Variants in CDC42SE2 observed in about 807,000 individuals in gnomAD.
The protein encoded by CDC42SE2 is CDC42 small effector 2.
A neutral mutation model predicts 11.5 loss-of-function variants in CDC42SE2; 3 were observed. The ratio of observed to expected loss-of-function variants is 0.26; its 90% CI spans 0.12 to 0.67. The LOEUF is 0.67. CDC42SE2 is among the 30% of genes least tolerant of loss of function. CDC42SE2 has a pLI of 0.80. For synonymous variants in CDC42SE2, 33 were observed against 34.8 expected (o/e 0.95, Z 0.18); for missense variants, 82 against 106.8 (o/e 0.77, Z 1.02).
chr5:131,291,778 C>T (rs954944930), intron 1 of CDC42SE2, among the ~76,000 whole-genome samples: 2 of 152,148 alleles, frequency 1.3e-5, no homozygotes, highest in African/African-American at 4.8e-5. Context: ...ATATAACAAA[C>T]ACCACCCGGG....
chr5:131,284,633 G>A (rs1757304302), intron 1 of CDC42SE2, among the ~76,000 whole-genome samples: 1 of 151,932 alleles, frequency 6.6e-6, no homozygotes, highest in Admixed American at 6.6e-5. Flanking sequence ...ATCATGCCCA[G>A]CTAATTTAAA....
chr5:131,383,979 T>A (rs1370579426), intron 3 of CDC42SE2, among the ~76,000 whole-genome samples: 1 of 152,178 alleles, frequency 6.6e-6, no homozygotes, highest in Non-Finnish European at 1.5e-5. Context: ...AATGTCCACA[T>A]AGGCAGGAAC....
upstream of CDC42SE2, among the ~76,000 whole-genome samples, chr5:131,240,942 T>G (rs1756535401): frequency 6.7e-6 from 1 of 150,306 alleles, no homozygotes; most frequent in Non-Finnish European, 1.5e-5. Flanking sequence ...TTCAGATGGT[T>G]TTATGGGTTT....
chr5:131,268,012 G>A (rs914261231), intron 1 of CDC42SE2, among the ~76,000 whole-genome samples: 2 of 147,268 alleles, frequency 1.4e-5, no homozygotes, highest in Non-Finnish European at 3.0e-5. Flanking sequence ...TTCCTGTGTC[G>A]TCTTGAGAGG....
At chr5:131,325,831 C>T (rs1005781639) in intron 2 of CDC42SE2, among the ~76,000 whole-genome samples, 2 of 152,182 alleles carry the variant, frequency 1.3e-5, no homozygotes, top group Non-Finnish European at 2.9e-5. Context: ...AATCAGATTT[C>T]CCTTTCACTA....
intron 2 of CDC42SE2, among the ~76,000 whole-genome samples, chr5:131,349,558 A>G (rs1407749484): frequency 1.3e-5 from 2 of 152,200 alleles, no homozygotes; most frequent in East Asian, 3.8e-4. Flanking sequence ...ACAGTTATAT[A>G]TTGGTTTTCG....
intron 3 of CDC42SE2, among the ~76,000 whole-genome samples, chr5:131,365,221 C>T (rs1307294002): frequency 2.0e-5 from 3 of 151,542 alleles, no homozygotes; most frequent in South Asian, 2.1e-4. Flanking sequence ...GACTGGGAGG[C>T]GAGGGTTGCA....
chr5:131,325,457 A>G (rs1758275915), intron 2 of CDC42SE2, among the ~76,000 whole-genome samples: 1 of 148,150 alleles, frequency 6.7e-6, no homozygotes. Context: ...TCCTTTTCCC[A>G]TTTATCTATT....
At chr5:131,389,123 A>G (rs978042286) in intron 4 of CDC42SE2, among the ~76,000 whole-genome samples, 3 of 152,222 alleles carry the variant, frequency 2.0e-5, no homozygotes, top group African/African-American at 7.2e-5. Context: ...GCTGTGAGCC[A>G]CTGTACCTGG....
At chr5:131,246,096 T>C (rs1191328452) in intron 1 of CDC42SE2, among the ~76,000 whole-genome samples, 2 of 152,238 alleles carry the variant, frequency 1.3e-5, no homozygotes, top group East Asian at 1.9e-4. Context: ...TGTTGAGTCA[T>C]GCTTTCTTTC....
In CDC42SE2 at chr5:131,359,545, C is replaced by G. The variant is rs1192199198; in HGVS notation, c.52C>G (p.Pro18Ala). 2.5e-6 allele frequency: 4 copies of G among 1,610,020 alleles called. No homozygotes were observed. Among genetic ancestry groups the G allele is most frequent in the Non-Finnish European group, 3.4e-6 (4 of 1,176,498 alleles). Reference protein sequence around the residue: ...FNCCIAEQPQPKRRRRIDRSM... With the variant: ...FNCCIAEQPQAKRRRRIDRSM... ...CTGCTGTATTGCAGAACAGCCTCAG[C>G]CTGTAAGTATGAAGTATGTGGACAC... Residue 18 changes from proline (P) to alanine (A), a missense_variant and splice_region_variant, in exon 3 of 5, where the codon CCT (proline) becomes GCT (alanine). Coordinates refer to ENST00000505065, the MANE Select transcript of CDC42SE2 (RefSeq NM_001375635.1).
intron 1 of CDC42SE2, among the ~76,000 whole-genome samples, chr5:131,305,114 A>G (rs1039725357): frequency 2.1e-5 from 2 of 93,262 alleles, no homozygotes; most frequent in East Asian, 2.6e-4. Flanking sequence ...TATAAATTAT[A>G]CAGTATATAC....
At chr5:131,385,383 T>G (rs150878257) in intron 3 of CDC42SE2, among the ~76,000 whole-genome samples, 160 bp from the exon 4 acceptor site, 1 of 152,180 alleles carries the variant, frequency 6.6e-6, no homozygotes, top group East Asian at 1.9e-4. Context: ...GTGCATATAT[T>G]TGTCTTGGGG....
Position 131,394,017 on chromosome 5 carries a change from GAAAACTACA to G in CDC42SE2, c.*2931_*2939del, listed in dbSNP as rs1352410059. The G allele has an allele frequency of 6.6e-6, 1 of 151,940 alleles. No homozygotes were observed. Among genetic ancestry groups the G allele is most frequent in the Non-Finnish European group, 1.5e-5 (1 of 67,938 alleles). 9.4% of individuals were successfully genotyped at this position (151,940 alleles called of 1,614,324 possible). ...AGGTGCCAATAAAATCAAGAAATAA[GAAAACTACA>G]AAAAAAGATACGGTATTAACCTTGG... On this transcript the variant is annotated 3_prime_UTR_variant, in exon 5 of 5. Coordinates refer to ENST00000505065, the MANE Select transcript of CDC42SE2 (RefSeq NM_001375635.1).
chr5:131,349,909 GCT>G (rs2149761780), intron 2 of CDC42SE2, among the ~76,000 whole-genome samples: 1 of 152,068 alleles, frequency 6.6e-6, no homozygotes, highest in African/African-American at 2.4e-5. Context: ...TAATCTTTTT[GCT>G]TTTTTCTAAA....
intron 2 of CDC42SE2, among the ~76,000 whole-genome samples, chr5:131,257,478 AT>A (rs766082255): frequency 0.08 from 11,111 of 139,120 alleles, 759 homozygotes; most frequent in African/African-American, 0.2. Flanking sequence ...CCACTTGCTA[AT>A]TTTTTTTTTT....
At chr5:131,275,893 T>C (rs886145478) in intron 1 of CDC42SE2, among the ~76,000 whole-genome samples, 3 of 151,896 alleles carry the variant, frequency 2.0e-5, no homozygotes, top group East Asian at 1.9e-4. Flanking sequence ...AAAAAAAGCG[T>C]ATATTTATTA....
At chr5:131,369,757 G>A (rs1199772126) in intron 3 of CDC42SE2, among the ~76,000 whole-genome samples, 1 of 152,104 alleles carries the variant, frequency 6.6e-6, no homozygotes, top group African/African-American at 2.4e-5. Context: ...AGTAACCCCA[G>A]TTCCACACTT....
chr5:131,353,207 A>G (rs911439174), intron 2 of CDC42SE2, among the ~76,000 whole-genome samples: 4 of 151,928 alleles, frequency 2.6e-5, no homozygotes, highest in African/African-American at 4.8e-5. Flanking sequence ...GTCTCAAGCA[A>G]TCCTTGTGCC....
Sources: gnomAD v4.1 joint callset for allele counts (sites outside exome capture counted in the v4.1 genomes callset) on GRCh38, gnomAD v4.1.1 for gene constraint, MANE v1.5 for transcripts, NCBI Gene and HGNC (gene_info 2026-07-23, HGNC 2026-07-21) for gene names.